NELL2: variants seen among roughly 807,000 people sequenced by gnomAD.
NELL2 encodes the protein neural EGFL like 2.
Under a neutral mutation model 109.6 loss-of-function variants are expected in NELL2, and 41 were observed. The ratio of observed to expected loss-of-function variants is 0.37; its 90% confidence interval spans 0.29 to 0.49. NELL2 has a LOEUF of 0.49. Among genes scored for constraint, NELL2 ranks in the 20% least tolerant of loss-of-function variants. The pLI is 0.98. For missense variants in NELL2, 900 were observed against 1,008.3 expected, an observed-to-expected ratio of 0.89 and a Z score of 1.45; for synonymous variants, 355 against 344.7, an observed-to-expected ratio of 1.03 and a Z score of -0.33.
chr12:44,811,337 T>TGA (rs372053673), intron 3 of NELL2, among the ~76,000 whole-genome samples: 3 of 103,210 alleles, frequency 2.9e-5, no homozygotes, highest in African/African-American at 4.0e-5. Context: ...GAACTAAAAG[T>TGA]AAAAAAAAAA....
Position 44,543,717 on chromosome 12 carries a change from T to C in NELL2, c.1664-10996A>G, listed in dbSNP as rs117794279. 2.3e-3 allele frequency among the ~76,000 whole-genome samples: 356 copies of C among 152,300 alleles called. 1 individual carries two copies. The highest frequency in any genetic ancestry group is 6.8e-3 in the Middle Eastern group (2 of 294). ...AGAAGCCATTATTCCTGGGAAGTCATAGCAATCAGTGTCAGTGATTCTAAG... is the reference window on the plus strand; with the variant it reads ...AGAAGCCATTATTCCTGGGAAGTCACAGCAATCAGTGTCAGTGATTCTAAG... On this transcript the variant is annotated intron_variant, in intron 15 of 19. Transcript: ENST00000429094.
chr12:44,868,994 C>A (rs367707032), intron 2 of NELL2, among the ~76,000 whole-genome samples: 3 of 152,052 alleles, frequency 2.0e-5, no homozygotes, highest in Non-Finnish European at 4.4e-5. Flanking sequence ...TAAATGTATA[C>A]AATTTTGTCA....
intron 15 of NELL2, among the ~76,000 whole-genome samples, chr12:44,534,607 C>T (rs147191020): frequency 6.6e-5 from 10 of 152,232 alleles, no homozygotes; most frequent in African/African-American, 2.4e-4. Flanking sequence ...ATGCTTTGCT[C>T]ATTTCAGCTT....
chr12:44,706,548 A>G (rs561872959), intron 11 of NELL2, among the ~76,000 whole-genome samples: 1 of 152,300 alleles, frequency 6.6e-6, no homozygotes, highest in South Asian at 2.1e-4. Context: ...TACTAACTGT[A>G]CATTAATTAA....
At chr12:44,724,077 A>G (rs144471238) in intron 9 of NELL2, among the ~76,000 whole-genome samples, 46 of 152,094 alleles carry the variant, frequency 3.0e-4, no homozygotes, top group African/African-American at 8.9e-4. Context: ...AAAGAATGAG[A>G]TCATGCCCTT....
intron 12 of NELL2, among the ~76,000 whole-genome samples, chr12:44,693,198 G>A (rs1199674430): frequency 6.6e-6 from 1 of 152,162 alleles, no homozygotes; most frequent in Non-Finnish European, 1.5e-5. Flanking sequence ...ATTGAGGCAA[G>A]ACCCTCCATC....
At chr12:44,753,942 T>C (rs1940766900) in intron 9 of NELL2, among the ~76,000 whole-genome samples, 1 of 152,202 alleles carries the variant, frequency 6.6e-6, no homozygotes, top group Non-Finnish European at 1.5e-5. Context: ...CATTTCCCTC[T>C]TTCAAAATGT....
At chr12:44,863,813 G>C (rs1944910378) in intron 2 of NELL2, among the ~76,000 whole-genome samples, 2 of 152,104 alleles carry the variant, frequency 1.3e-5, no homozygotes, top group South Asian at 4.1e-4. Flanking sequence ...TCAGTATGAA[G>C]GTTAAAAGTC....
At chr12:44,602,858 C>A (rs547366302) in intron 15 of NELL2, among the ~76,000 whole-genome samples, 9 of 151,874 alleles carry the variant, frequency 5.9e-5, no homozygotes, top group Non-Finnish European at 1.3e-4. Flanking sequence ...TTTGGCCATG[C>A]CAGGAAATGT....
chr12:44,792,501 T>C (rs1203820904), intron 3 of NELL2, among the ~76,000 whole-genome samples: 1 of 152,092 alleles, frequency 6.6e-6, no homozygotes, highest in Non-Finnish European at 1.5e-5. Flanking sequence ...ACTTTACATT[T>C]TAACTATATA....
chr12:44,676,725 A>T (rs1948331635), intron 12 of NELL2, among the ~76,000 whole-genome samples: 1 of 152,160 alleles, frequency 6.6e-6, no homozygotes, highest in Non-Finnish European at 1.5e-5. Context: ...CTGAATTAAA[A>T]AAAATAGAGA....
chr12:44,906,709 T>C (rs950723013), intron 1 of NELL2, among the ~76,000 whole-genome samples: 7 of 151,820 alleles, frequency 4.6e-5, no homozygotes, highest in African/African-American at 1.7e-4. Flanking sequence ...GAGGAAGAGA[T>C]GGAGAAAGGA....
intron 15 of NELL2, among the ~76,000 whole-genome samples, chr12:44,588,841 C>T (rs1011084671): frequency 6.6e-6 from 1 of 152,164 alleles, no homozygotes; most frequent in African/African-American, 2.4e-5. Flanking sequence ...ACTCTGTATC[C>T]ATTATGCAAT....
chr12:44,896,588 A>G (rs1206560702), intron 1 of NELL2, among the ~76,000 whole-genome samples: 1 of 152,240 alleles, frequency 6.6e-6, no homozygotes, highest in Non-Finnish European at 1.5e-5. Flanking sequence ...TATACATATG[A>G]AAAGTATTGA....
intron 1 of NELL2, among the ~76,000 whole-genome samples, chr12:44,891,974 C>T (rs1945539923): frequency 6.6e-6 from 1 of 152,186 alleles, no homozygotes; most frequent in African/African-American, 2.4e-5. Flanking sequence ...TTTTCAAACA[C>T]ATCACAGTAA....
chr12:44,915,386 T>G (rs1056889603), upstream of NELL2, among the ~76,000 whole-genome samples: 5 of 152,222 alleles, frequency 3.3e-5, no homozygotes, highest in Non-Finnish European at 1.5e-5. Context: ...TTGCTTTATT[T>G]CATGTTCAAG....
rs1555217680 is a variant in NELL2 at position 44,791,082 on chromosome 12, C to CACAT, written c.336-11061_336-11060insATGT. 5.2e-4 allele frequency among the ~76,000 whole-genome samples: 27 copies of CACAT among 52,012 alleles called. 3 individuals are homozygous for CACAT. Among genetic ancestry groups the CACAT allele is most frequent in the African/African-American group, 2.9e-3 (24 of 8,304 alleles). The allele number at this position is 52,012 out of a possible 152,430, so 34.1% of individuals were successfully genotyped here. A position where few individuals can be genotyped will look rare whatever the true frequency, so the allele number is the denominator to read the frequency against. On this transcript the variant is annotated intron_variant, in intron 3 of 19. Transcript: ENST00000429094. ...AAGTTCAAGTATATATATATATATA[C>CACAT]ATATATATATATATGTATATATATA...
rs570149392 is a variant in NELL2, at chr12:44,905,812, T to TTATACATGACAGAATGACCAA, written c.38+7986_38+7987insTTGGTCATTCTGTCATGTATA. ...CAAATATTTTTCTTCAGAATGACCA[T>TTATACATGACAGAATGACCAA]TATACATATATTCATTTAATTAATG... On this transcript the variant is annotated intron_variant, in intron 1 of 20. Transcript: ENST00000333837. 6.2e-3 allele frequency among the ~76,000 whole-genome samples: 946 copies of TTATACATGACAGAATGACCAA among 152,142 alleles called. 12 individuals carry two copies. Among genetic ancestry groups the TTATACATGACAGAATGACCAA allele is most frequent in the African/African-American group, 0.021 (876 of 41,508 alleles).
chr12:44,699,807 G>A (rs769541509), intron 12 of NELL2, among the ~76,000 whole-genome samples: 2 of 152,042 alleles, frequency 1.3e-5, no homozygotes, highest in Non-Finnish European at 2.9e-5. Context: ...CTTGGCTTCT[G>A]TGACACCACC....
Sources: allele counts gnomAD v4.1 joint callset (sites outside exome capture counted in the v4.1 genomes callset), GRCh38; gene constraint gnomAD v4.1.1; transcripts MANE v1.5; gene names NCBI Gene and HGNC (gene_info 2026-07-23, HGNC 2026-07-21).